EXT1: variants seen among roughly 807,000 people sequenced by gnomAD.
EXT1 encodes exostosin glycosyltransferase 1.
Under a neutral mutation model 82.5 loss-of-function variants are expected in EXT1, and 20 were observed. The ratio of observed to expected loss-of-function variants is 0.24; its 90% confidence interval spans 0.17 to 0.35. The LOEUF is 0.35. Among genes scored for constraint, EXT1 ranks in the 10% least tolerant of loss-of-function variants. The pLI is 1.00. For missense variants in EXT1, 757 were observed against 936.5 expected, an observed-to-expected ratio of 0.81 and a Z score of 2.50; for synonymous variants, 348 against 350.8, an observed-to-expected ratio of 0.99 and a Z score of 0.09.
At chr8:118,103,093 C>T (rs1027564215) in intron 1 of EXT1, among the ~76,000 whole-genome samples, 7 of 152,222 alleles carry the variant, frequency 4.6e-5, no homozygotes, top group African/African-American at 1.7e-4. Context: ...GAGGAGGTTG[C>T]GGTAAGCCGA....
rs957768285 is a variant in EXT1 at position 117,825,985 on chromosome 8, C to T, written c.1285-3388G>A. Among the ~76,000 whole-genome samples the T allele has an allele frequency of 7.9e-5, 12 of 152,278 alleles. No individual in the cohort carries two copies. In the Middle Eastern group the frequency reaches 0.01, roughly 129 times the overall value. ...AGCTCCAATGATTCAATCCTTAGTG[C>T]AGGTTATTGTGCAATATTCTGACAA... On this transcript the variant is annotated intron_variant, in intron 4 of 10. Transcript: ENST00000378204.
At chr8:118,038,715 G>C (rs1416044378) in intron 1 of EXT1, among the ~76,000 whole-genome samples, 1 of 152,226 alleles carries the variant, frequency 6.6e-6, no homozygotes, top group Admixed American at 6.5e-5. Context: ...AATCCAAGGA[G>C]AGAAGCTGAG....
At chr8:118,041,659 A>G (rs1816528605) in intron 1 of EXT1, among the ~76,000 whole-genome samples, 1 of 142,450 alleles carries the variant, frequency 7.0e-6, no homozygotes, top group Admixed American at 7.3e-5. Context: ...AAAGAAAGAG[A>G]GAGAAAGAAG....
chr8:118,070,250 G>C (rs1817066701), intron 1 of EXT1, among the ~76,000 whole-genome samples: 1 of 151,012 alleles, frequency 6.6e-6, no homozygotes, highest in Non-Finnish European at 1.5e-5. Flanking sequence ...GTGTGTGTGT[G>C]TGTGTGTGTG....
chr8:117,816,594 T>C (rs1211007888), intron 7 of EXT1, among the ~76,000 whole-genome samples: 1 of 152,158 alleles, frequency 6.6e-6, no homozygotes, highest in Non-Finnish European at 1.5e-5. Flanking sequence ...TGAATATAGA[T>C]GCAGCTGGGA....
chr8:118,097,299 T>C (rs1284785426), intron 1 of EXT1, among the ~76,000 whole-genome samples: 1 of 151,542 alleles, frequency 6.6e-6, no homozygotes, highest in Admixed American at 6.6e-5. Flanking sequence ...TACAAAAAAT[T>C]AGCCGGGCAT....
rs17506058 is a variant in EXT1, at chr8:118,079,489, G to A, written c.962+30596C>T. 6.5e-3 allele frequency among the ~76,000 whole-genome samples: 987 copies of A among 152,322 alleles called. 7 individuals carry two copies. The highest frequency in any genetic ancestry group is 0.022 in the African/African-American group (934 of 41,580). On this transcript the variant is annotated intron_variant, in intron 1 of 10. Coordinates refer to ENST00000378204, the MANE Select transcript of EXT1 (RefSeq NM_000127.3). Reference sequence around the variant, plus strand: ...AGGAAACTCATTTCTAAACTTACCCGTAAGGTATTGCAATCCTAAGGCCAG... The same window carrying A: ...AGGAAACTCATTTCTAAACTTACCCATAAGGTATTGCAATCCTAAGGCCAG...
At chr8:117,948,249 A>G (rs1044762173) in intron 1 of EXT1, among the ~76,000 whole-genome samples, 1 of 140,978 alleles carries the variant, frequency 7.1e-6, no homozygotes, top group African/African-American at 2.7e-5. Flanking sequence ...GGAAGCACCA[A>G]GTTTGGTTGG....
intron 1 of EXT1, among the ~76,000 whole-genome samples, chr8:117,897,305 C>T (rs1345047002): frequency 2.0e-5 from 3 of 152,164 alleles, no homozygotes; most frequent in Non-Finnish European, 4.4e-5. Context: ...GGTAGTCATG[C>T]ATCAGATGGT....
chr8:118,096,657 A>C (rs1423315563), intron 1 of EXT1, among the ~76,000 whole-genome samples: 1 of 102,240 alleles, frequency 9.8e-6, no homozygotes, highest in East Asian at 3.0e-4. Context: ...GAAGGAAGGA[A>C]GGAAGGAAGG....
chr8:117,827,284 A>G (rs1812022692), intron 4 of EXT1, among the ~76,000 whole-genome samples: 1 of 152,208 alleles, frequency 6.6e-6, no homozygotes, highest in African/African-American at 2.4e-5. Context: ...GTAGAAAGTC[A>G]TTGCTTAGAT....
intron 1 of EXT1, among the ~76,000 whole-genome samples, chr8:117,858,805 C>CAAGGAAGGAAGGAAGGAAGG (rs1812622394): frequency 1.5e-5 from 1 of 66,730 alleles, no homozygotes; most frequent in African/African-American, 8.5e-5. Flanking sequence ...CAAGGCAAGG[C>CAAGGAAGGAAGGAAGGAAGG]AAGGCAGGAA....
intron 1 of EXT1, among the ~76,000 whole-genome samples, chr8:117,908,890 G>T (rs1813590396): frequency 1.3e-5 from 2 of 152,032 alleles, no homozygotes; most frequent in Non-Finnish European, 2.9e-5. Context: ...TTGGGAGGCT[G>T]AGGAGGGCAG....
chr8:117,988,611 G>C (rs1201198760), intron 1 of EXT1, among the ~76,000 whole-genome samples: 6 of 152,178 alleles, frequency 3.9e-5, no homozygotes, highest in Non-Finnish European at 8.8e-5. Flanking sequence ...GTGCAGGCCT[G>C]AGCTTCCCAC....
chr8:117,911,362 A>T, intron 1 of EXT1, among the ~76,000 whole-genome samples: 1 of 152,198 alleles, frequency 6.6e-6, no homozygotes, highest in Non-Finnish European at 1.5e-5. Flanking sequence ...AGAGGCTCTG[A>T]TAAGTGATTA....
At chr8:117,914,081 A>G (rs1392092679) in intron 1 of EXT1, among the ~76,000 whole-genome samples, 1 of 152,184 alleles carries the variant, frequency 6.6e-6, no homozygotes, top group Non-Finnish European at 1.5e-5. Flanking sequence ...TTTATTTTGA[A>G]CTATAATTTA....
chr8:118,032,060 G>A (rs139691264), intron 1 of EXT1, among the ~76,000 whole-genome samples: 8 of 147,560 alleles, frequency 5.4e-5, no homozygotes, highest in African/African-American at 1.7e-4. Context: ...ATTGGGTTGA[G>A]AATAAAATAA....
chr8:118,100,059 T>C (rs1817690605), intron 1 of EXT1, among the ~76,000 whole-genome samples: 1 of 152,108 alleles, frequency 6.6e-6, no homozygotes, highest in Non-Finnish European at 1.5e-5. Flanking sequence ...CTAATATGAA[T>C]GGCTCTCCCC....
intron 1 of EXT1, among the ~76,000 whole-genome samples, chr8:118,093,603 T>A (rs1356583988): frequency 6.6e-6 from 1 of 152,188 alleles, no homozygotes; most frequent in African/African-American, 2.4e-5. Context: ...TGCTACAATG[T>A]GGAACTGGAT....
Sources: gnomAD v4.1 joint callset for allele counts (sites outside exome capture counted in the v4.1 genomes callset) on GRCh38, gnomAD v4.1.1 for gene constraint, MANE v1.5 for transcripts, NCBI Gene and HGNC (gene_info 2026-07-23, HGNC 2026-07-21) for gene names.